Variants in SPP1 observed in about 807,000 individuals in gnomAD.
The protein encoded by SPP1 is secreted phosphoprotein 1.
Under a neutral mutation model 20.8 loss-of-function variants are expected in SPP1, and 18 were observed. That is an observed-to-expected ratio of 0.87 (90% CI 0.60 to 1.29). SPP1 has a LOEUF of 1.29. SPP1 is among the 50% of genes most tolerant of loss of function. The probability of loss-of-function intolerance (pLI) is 0.00; values close to 1 mark genes in which losing one functional copy is unlikely to be tolerated. For synonymous variants in SPP1, 146 were observed against 141.5 expected, an observed-to-expected ratio of 1.03 and a Z score of -0.23; for missense variants, 363 against 389.0, an observed-to-expected ratio of 0.93 and a Z score of 0.56.
Position 87,982,696 on chromosome 4 carries a change from A to G in SPP1, c.745A>G (p.Lys249Glu), listed in dbSNP as rs1168367787. 3 of 1,614,154 alleles carry G rather than the reference A, an allele frequency of 1.9e-6. No homozygotes were observed. In the Admixed American group the frequency reaches 5.0e-5, roughly 27 times the overall value. Residue 249 changes from lysine (K) to glutamate (E), a missense_variant, in exon 7 of 7, where the codon AAA becomes GAA. Lys to Glu is a moderately conservative substitution (Grantham distance 56). Transcript: ENST00000395080. ...CAAGCAGTCCAGATTATATAAGCGG[A>G]AAGCCAATGATGAGAGCAATGAGCA... is the stretch of plus-strand genomic sequence containing the variant. The part of the protein sequence containing the change: ...SHKQSRLYKR[K>E]ANDESNEHSD...
intron 1 of SPP1, 37 bp downstream of exon 1, chr4:87,975,837 C>T (rs1444332732): frequency 6.6e-6 from 1 of 152,198 alleles, no homozygotes; most frequent in African/African-American, 2.4e-5. Context: ...GTGCATTCAG[C>T]TGAATTTCAT....
In SPP1 at chr4:87,982,525, C is replaced by A; in HGVS notation, c.574C>A (p.His192Asn). 2 of 1,614,140 alleles carry A rather than the reference C, an allele frequency of 1.2e-6. No homozygotes were observed. The highest frequency in any genetic ancestry group is 1.7e-6 in the Non-Finnish European group (2 of 1,180,024). ...PDATDEDITS[H>N]MESEELNGAY... ...TGCTACAGACGAGGACATCACCTCA[C>A]ACATGGAAAGCGAGGAGTTGAATGG... The change falls in exon 7 of 7, where the codon CAC becomes AAC. Residue 192 changes from histidine (H) to asparagine (N), a missense_variant. Physicochemically the swap from His to Asn is moderately conservative, Grantham distance 68. Coordinates refer to ENST00000395080, the MANE Select transcript of SPP1 (RefSeq NM_001040058.2).
chr4:87,981,797 A>G lies in SPP1; in HGVS notation c.539A>G (p.Gln180Arg). 1.2e-6 allele frequency: 2 copies of G among 1,613,128 alleles called. No individual in the cohort carries two copies. The highest frequency in any genetic ancestry group is 1.7e-6 in the Non-Finnish European group (2 of 1,179,322). The change falls in exon 6 of 7, where the codon CAG becomes CGG. Residue 180 changes from glutamine (Q) to arginine (R), a missense_variant and splice_region_variant. Coordinates refer to ENST00000395080, the MANE Select transcript of SPP1 (RefSeq NM_001040058.2). ...KSKKFRRPDI[Q>R]YPDATDEDIT... Reference sequence around the variant, plus strand: ...AAGAAGTTTCGCAGACCTGACATCCAGGTAAATCCTTTAACAGACACACCT... The same window carrying G: ...AAGAAGTTTCGCAGACCTGACATCCGGGTAAATCCTTTAACAGACACACCT...
intron 3 of SPP1, among the ~76,000 whole-genome samples, chr4:87,978,599 G>A (rs1291016264): frequency 6.6e-6 from 1 of 151,950 alleles, no homozygotes; most frequent in Non-Finnish European, 1.5e-5. Context: ...AGCCAGGATG[G>A]TCTCCATCTC....
At chr4:87,981,899 C>A in intron 6 of SPP1, 101 bp downstream of exon 6, 1 of 1,039,462 alleles carries the variant, frequency 9.6e-7, no homozygotes, top group Non-Finnish European at 1.4e-6. Flanking sequence ...TTCATTCATC[C>A]ATTCAGCAAG....
intron 5 of SPP1, among the ~76,000 whole-genome samples, chr4:87,981,050 A>G (rs6532040): frequency 0.31 from 47,549 of 152,032 alleles, 7,903 homozygotes; most frequent in African/African-American, 0.41. Context: ...TATAGATTTT[A>G]GTACACACAT....
intron 3 of SPP1, among the ~76,000 whole-genome samples, chr4:87,979,447 A>G (rs1221887243): frequency 6.6e-6 from 1 of 152,036 alleles, no homozygotes; most frequent in East Asian, 1.9e-4. Flanking sequence ...TGCTGGGATT[A>G]CAGGGGTGAG....
Position 87,981,663 on chromosome 4 carries a change from T to C in SPP1, c.405T>C (p.Asp135=). 1 of 1,614,154 alleles carries C rather than the reference T, an allele frequency of 6.2e-7. No individual in the cohort carries two copies. The highest frequency in any genetic ancestry group is 2.2e-5 in the East Asian group (1 of 44,884). Residue 135 remains aspartate, a synonymous_variant, in exon 6 of 7, where the codon GAT becomes GAC. Transcript: ENST00000395080. ...HSDESDELVT[D]FPTDLPATEV... is the part of the protein sequence containing the mutation. ...ATGAATCTGATGAACTGGTCACTGA[T>C]TTTCCCACGGACCTGCCAGCAACCG...
At chr4:87,976,974 A>T in intron 2 of SPP1, 25 bp downstream of exon 2, 1 of 1,613,506 alleles carries the variant, frequency 6.2e-7, no homozygotes, top group Non-Finnish European at 8.5e-7. Flanking sequence ...ATCTTAAAGA[A>T]AATTCCTGAA....
intron 1 of SPP1, 69 bp from the exon 2 acceptor site, chr4:87,976,813 G>T: frequency 1.0e-6 from 1 of 983,114 alleles, no homozygotes; most frequent in South Asian, 1.5e-5. Context: ...TTGTAATGTG[G>T]TAGTATAAAA....
chr4:87,982,818 C>G lies in SPP1; in HGVS notation c.867C>G (p.Pro289=). 1 of 1,614,082 alleles carries G rather than the reference C, an allele frequency of 6.2e-7. No individual in the cohort carries two copies. Among genetic ancestry groups the G allele is most frequent in the Non-Finnish European group, 8.5e-7 (1 of 1,180,030 alleles). Residue 289 remains proline (P), a synonymous_variant, in exon 7 of 7, where the codon CCC becomes CCG. Coordinates refer to ENST00000395080, the MANE Select transcript of SPP1 (RefSeq NM_001040058.2). ...ATGAAGATATGCTGGTTGTAGACCC[C>G]AAAAGTAAGGAAGAAGATAAACACC... ...HSHEDMLVVD[P]KSKEEDKHLK...
At chr4:87,978,758 T>C (rs937202599) in intron 3 of SPP1, among the ~76,000 whole-genome samples, 1 of 152,148 alleles carries the variant, frequency 6.6e-6, no homozygotes, top group East Asian at 1.9e-4. Flanking sequence ...TAAGCTCCTC[T>C]GGTTAGAGCC....
At chr4:87,978,585 T>C (rs1426164381) in intron 3 of SPP1, among the ~76,000 whole-genome samples, 1 of 152,060 alleles carries the variant, frequency 6.6e-6, no homozygotes, top group Non-Finnish European at 1.5e-5. Context: ...GGTTTCACCG[T>C]GTTAGCCAGG....
At position 87,983,015 on chromosome 4, in the gene SPP1, T is replaced by A; in HGVS notation, c.*119T>A. Reference sequence around the variant, plus strand: ...AGTTTATTGGTTGAATGTGTATCTATTTGAGTCTGGAAATAACTAATGTGT... The same window carrying A: ...AGTTTATTGGTTGAATGTGTATCTAATTGAGTCTGGAAATAACTAATGTGT... On this transcript the variant is annotated 3_prime_UTR_variant, in exon 7 of 7. Transcript: ENST00000395080. 1.9e-6 allele frequency: 2 copies of A among 1,047,944 alleles called. No individual in the cohort carries two copies. Among genetic ancestry groups the A allele is most frequent in the Non-Finnish European group, 2.7e-6 (2 of 745,030 alleles). The allele number at this position is 1,047,944 out of a possible 1,614,324, so 64.9% of individuals were successfully genotyped here.
intron 5 of SPP1, 75 bp downstream of exon 5, chr4:87,980,509 T>C: frequency 2.0e-6 from 3 of 1,505,900 alleles, no homozygotes; most frequent in Non-Finnish European, 2.7e-6. Context: ...GATTCTCTTC[T>C]GATGAAATTT....
In SPP1 at chr4:87,979,847, T is replaced by C. The variant is rs1725573134; in HGVS notation, c.94-199T>C. Among the ~76,000 whole-genome samples the C allele has an allele frequency of 2.6e-5, 4 of 152,106 alleles. 1 individual carries two copies. The South Asian group carries it at 8.3e-4, about 32-fold the overall frequency. ...AATGAGTTCATATTTGTAAAGCAAT[T>C]TGAAAGAGTGCCTAGCCCACAGTAA... On this transcript the variant is annotated intron_variant, in intron 3 of 6. Transcript: ENST00000395080.
chr4:87,979,933 T>C, intron 3 of SPP1, 113 bp from the exon 4 acceptor site: 1 of 998,900 alleles, frequency 1.0e-6, no homozygotes, highest in Non-Finnish European at 1.5e-6. Flanking sequence ...AAAAGGTACC[T>C]AAGGGTCCGG....
Position 87,980,505 on chromosome 4 carries a change from C to T in SPP1, c.216+71C>T, listed in dbSNP as rs1725597449. On this transcript the variant is annotated intron_variant, in intron 5 of 6. Transcript: ENST00000395080. ...TGAAAGAAGGCATTGCCTGGATTCT[C>T]TTCTGATGAAATTTCATTAGCAAGT... 2.6e-6 allele frequency: 4 copies of T among 1,527,806 alleles called. No individual in the cohort carries two copies. In the African/African-American group the frequency reaches 5.6e-5, roughly 21 times the overall value. The allele number at this position is 1,527,806 out of a possible 1,614,324, so 94.6% of individuals were successfully genotyped here.
rs1012239574 is a variant in SPP1, at chr4:87,981,816, C to T, written c.540+18C>T. ...ACATCCAGGTAAATCCTTTAACAGACACACCTGATGGTTCTGACTAGCGCT... is the reference window on the plus strand; with the variant it reads ...ACATCCAGGTAAATCCTTTAACAGATACACCTGATGGTTCTGACTAGCGCT... On this transcript the variant is annotated intron_variant, in intron 6 of 6. Transcript: ENST00000395080. 4 of 1,607,944 alleles carry T rather than the reference C, an allele frequency of 2.5e-6. No individual in the cohort carries two copies. The African/African-American group carries it at 4.0e-5, about 16-fold the overall frequency.
Sources: allele counts gnomAD v4.1 joint callset (sites outside exome capture counted in the v4.1 genomes callset), GRCh38; gene constraint gnomAD v4.1.1; transcripts MANE v1.5; gene names NCBI Gene and HGNC (gene_info 2026-07-23, HGNC 2026-07-21).